Variants in RYK observed in about 807,000 individuals in gnomAD.
RYK encodes inactive tyrosine-protein kinase RYK.
In RYK, 21 loss-of-function variants were observed where a neutral mutation model predicts 70.2. The ratio of observed to expected loss-of-function variants is 0.30; its 90% confidence interval spans 0.21 to 0.43. The LOEUF is 0.43. Ranked by LOEUF, RYK falls within the 20% of genes least tolerant of loss-of-function variation. RYK has a pLI of 1.00. For synonymous variants in RYK, 267 were observed against 278.0 expected (o/e 0.96, Z 0.39); for missense variants, 604 against 753.3 (o/e 0.80, Z 2.32).
intron 1 of RYK, among the ~76,000 whole-genome samples, chr3:134,249,486 A>C (rs893654469): frequency 6.6e-6 from 1 of 152,242 alleles, no homozygotes; most frequent in African/African-American, 2.4e-5. Context: ...TAATAACAAA[A>C]GAATGCAAAC....
At chr3:134,185,833 T>C (rs2013442203) in intron 9 of RYK, among the ~76,000 whole-genome samples, 1 of 152,170 alleles carries the variant, frequency 6.6e-6, no homozygotes, top group Non-Finnish European at 1.5e-5. Flanking sequence ...TACTTACTTT[T>C]TTCAAGTTTT....
At chr3:134,174,623 T>C (rs946636393) in intron 13 of RYK, among the ~76,000 whole-genome samples, 3 of 152,164 alleles carry the variant, frequency 2.0e-5, no homozygotes, top group Admixed American at 2.0e-4. Context: ...AATCCCTAAA[T>C]ATTCTGCAAC....
intron 5 of RYK, 121 bp from the exon 6 acceptor site, chr3:134,202,995 C>T: frequency 2.7e-6 from 2 of 749,992 alleles, no homozygotes; most frequent in East Asian, 5.7e-5. Flanking sequence ...GATCAGTTAC[C>T]AGTAGCATAT....
chr3:134,174,329 A>G (rs1345073234), intron 13 of RYK, among the ~76,000 whole-genome samples: 1 of 152,248 alleles, frequency 6.6e-6, no homozygotes, highest in African/African-American at 2.4e-5. Flanking sequence ...TACAGCAGCC[A>G]CAGAAAACTC....
intron 10 of RYK, chr3:134,180,601 A>T (rs1171465270): frequency 1.3e-5 from 2 of 152,224 alleles, no homozygotes; most frequent in African/African-American, 4.8e-5. Context: ...TACTGAATGA[A>T]TTAGAATAAA....
At chr3:134,249,503 G>A (rs1375412466) in intron 1 of RYK, among the ~76,000 whole-genome samples, 1 of 152,138 alleles carries the variant, frequency 6.6e-6, no homozygotes, top group Non-Finnish European at 1.5e-5. Context: ...AAACGTCTAG[G>A]TACCAAGGAC....
At chr3:134,193,078 T>A (rs577597089) in intron 7 of RYK, among the ~76,000 whole-genome samples, 4 of 152,196 alleles carry the variant, frequency 2.6e-5, no homozygotes, top group Non-Finnish European at 5.9e-5. Context: ...TATATATATG[T>A]AGTAAGTAAA....
At chr3:134,241,620 T>G (rs2015329029) in intron 1 of RYK, among the ~76,000 whole-genome samples, 1 of 152,186 alleles carries the variant, frequency 6.6e-6, no homozygotes, top group African/African-American at 2.4e-5. Context: ...CTCAGATCAA[T>G]TCAACAAATT....
At position 134,174,845 on chromosome 3, in the gene RYK, G is replaced by A. The variant is rs540958916; in HGVS notation, c.1575+764C>T. Among the ~76,000 whole-genome samples the A allele has an allele frequency of 2.3e-3, 342 of 151,756 alleles. 2 individuals are homozygous for A. The highest frequency in any genetic ancestry group is 6.9e-3 in the African/African-American group (283 of 41,170). ...ACTTGACAAAAGGAAGAGGATGACG[G>A]GGGGATTTACAAATTTTATGAGCCA... On this transcript the variant is annotated intron_variant, in intron 13 of 14. Transcript: ENST00000623711.
chr3:134,192,690 T>C (rs749676075), intron 7 of RYK, among the ~76,000 whole-genome samples: 3 of 152,142 alleles, frequency 2.0e-5, no homozygotes, highest in East Asian at 3.9e-4. Flanking sequence ...CTTTAGCAAG[T>C]AGAAGTTGGA....
Position 134,171,325 on chromosome 3 carries a change from A to C in RYK, c.1575+4284T>G, listed in dbSNP as rs530512950. Among the ~76,000 whole-genome samples the C allele has an allele frequency of 5.3e-5, 8 of 152,346 alleles. No individual in the cohort carries two copies. In the South Asian group the frequency reaches 1.7e-3, roughly 32 times the overall value. ...GATATAATTTGAAATGTTCTGCCTA[A>C]CCAAACCATGTATCCTCAACATGAA... On this transcript the variant is annotated intron_variant, in intron 13 of 14. Coordinates refer to ENST00000623711, the MANE Select transcript of RYK (RefSeq NM_002958.4).
chr3:134,201,764 A>G (rs942893582), intron 6 of RYK, among the ~76,000 whole-genome samples: 7 of 152,224 alleles, frequency 4.6e-5, no homozygotes, highest in African/African-American at 1.4e-4. Context: ...GGATACAGCA[A>G]TAAGAGGAGA....
chr3:134,247,645 T>C (rs933720954), intron 1 of RYK, among the ~76,000 whole-genome samples: 3 of 150,912 alleles, frequency 2.0e-5, no homozygotes, highest in Non-Finnish European at 4.4e-5. Flanking sequence ...GAGGTTGCGG[T>C]GAGCTAAGAT....
intron 1 of RYK, among the ~76,000 whole-genome samples, chr3:134,242,914 A>G (rs545374281): frequency 2.6e-5 from 4 of 152,320 alleles, no homozygotes; most frequent in African/African-American, 9.6e-5. Flanking sequence ...TCTCCCAATG[A>G]AGAACACATG....
At chr3:134,170,091 G>A (rs2012839545) in intron 13 of RYK, among the ~76,000 whole-genome samples, 1 of 152,288 alleles carries the variant, frequency 6.6e-6, no homozygotes, top group South Asian at 2.1e-4. Flanking sequence ...GAAAACAGAA[G>A]GGTGTTCCTA....
At chr3:134,180,207 G>C (rs1415033251) in intron 10 of RYK, 3 of 151,990 alleles carry the variant, frequency 2.0e-5, no homozygotes, top group Admixed American at 2.0e-4. Flanking sequence ...GCCAATGAAG[G>C]GGCCAAACTA....
intron 1 of RYK, among the ~76,000 whole-genome samples, chr3:134,240,290 G>C (rs78373197): frequency 0.039 from 5,968 of 152,292 alleles, 165 homozygotes; most frequent in East Asian, 0.13. Flanking sequence ...GTAGGGGTAA[G>C]GTGGTAGAGA....
rs2013350898 is a variant in RYK at position 134,183,043 on chromosome 3, CATT to C, written c.1128_1130del (p.Met378del). 6.3e-7 allele frequency: 1 copy of C among 1,590,262 alleles called. No individual in the cohort carries two copies. Among genetic ancestry groups the C allele is most frequent in the Non-Finnish European group, 8.6e-7 (1 of 1,166,930 alleles). On this transcript the variant is annotated inframe_deletion, in exon 10 of 15. Coordinates refer to ENST00000623711, the MANE Select transcript of RYK (RefSeq NM_002958.4). ...GCAGCTTACAACTTTCAGTGAGCAT[CATT>C]GTCACCTGAATTTCAGAAGCTTGAT...
intron 13 of RYK, chr3:134,170,853 G>T: frequency 6.4e-6 from 1 of 155,472 alleles, no homozygotes; most frequent in South Asian, 1.8e-4. Flanking sequence ...ATCTCTATTG[G>T]AGATGTGGCA....
Sources: gnomAD v4.1 joint callset for allele counts (sites outside exome capture counted in the v4.1 genomes callset) on GRCh38, gnomAD v4.1.1 for gene constraint, MANE v1.5 for transcripts, NCBI Gene and HGNC (gene_info 2026-07-23, HGNC 2026-07-21) for gene names.